The following VPS13B variants were observed in gnomAD, a reference collection of about 807,000 sequenced individuals.
VPS13B encodes intermembrane lipid transfer protein VPS13B.
In VPS13B, 285 loss-of-function variants were observed where a neutral mutation model predicts 426.4. The observed-to-expected ratio is 0.67, with a 90% CI of 0.61 to 0.74. The LOEUF is 0.74. Among genes scored for constraint, VPS13B ranks in the 30% least tolerant of loss-of-function variants. The pLI is 0.00. For synonymous variants in VPS13B, 1,676 were observed against 1,676.4 expected, an observed-to-expected ratio of 1.00 and a Z score of 0.01; for missense variants, 4,537 against 4,782.6, an observed-to-expected ratio of 0.95 and a Z score of 1.51.
chr8:99,248,902 A>G (rs944385945), intron 17 of VPS13B, among the ~76,000 whole-genome samples: 5 of 151,968 alleles, frequency 3.3e-5, no homozygotes, highest in East Asian at 1.9e-4. Context: ...TGACATTTAC[A>G]TACAATCAAC....
chr8:99,467,751 G>A (rs890679378), intron 24 of VPS13B, 117 bp downstream of exon 24: 3 of 1,105,168 alleles, frequency 2.7e-6, no homozygotes, highest in Middle Eastern at 2.9e-4. Flanking sequence ...TTTTAACTTG[G>A]CCATCAAGAT....
chr8:99,713,257 G>A (rs1832776757), intron 36 of VPS13B, among the ~76,000 whole-genome samples: 1 of 152,192 alleles, frequency 6.6e-6, no homozygotes, highest in Non-Finnish European at 1.5e-5. Context: ...TAGACAAAAT[G>A]TTGTCAAGCC....
At chr8:99,123,664 G>C (rs1330014003) in intron 8 of VPS13B, among the ~76,000 whole-genome samples, 1 of 152,130 alleles carries the variant, frequency 6.6e-6, no homozygotes, top group Non-Finnish European at 1.5e-5. Context: ...GTGATAGCAA[G>C]TGGAGGTGAT....
At chr8:99,015,416 C>T (rs2132131806) in intron 2 of VPS13B, among the ~76,000 whole-genome samples, 1 of 151,144 alleles carries the variant, frequency 6.6e-6, no homozygotes, top group South Asian at 2.1e-4. Flanking sequence ...TGGGGTTTCA[C>T]CGTGTTAGCC....
chr8:99,086,394 A>T (rs973140715), intron 3 of VPS13B, among the ~76,000 whole-genome samples: 4 of 151,982 alleles, frequency 2.6e-5, no homozygotes, highest in Admixed American at 2.0e-4. Flanking sequence ...CTTCTGTGCC[A>T]TTGGTTCGAA....
At chr8:99,249,211 A>ATT (rs1180636454) in intron 17 of VPS13B, among the ~76,000 whole-genome samples, 1 of 151,992 alleles carries the variant, frequency 6.6e-6, no homozygotes, top group Non-Finnish European at 1.5e-5. Flanking sequence ...TAGTTCATTC[A>ATT]TTTTTTTATT....
At chr8:99,264,169 T>G (rs1818186785) in intron 17 of VPS13B, among the ~76,000 whole-genome samples, 1 of 152,044 alleles carries the variant, frequency 6.6e-6, no homozygotes, top group Admixed American at 6.6e-5. Flanking sequence ...TTCTCTCAAT[T>G]CCTTCAGGTG....
At position 99,876,404 on chromosome 8, in the gene VPS13B, A is replaced by G. The variant is rs1817704787; in HGVS notation, c.*738A>G. On this transcript the variant is annotated 3_prime_UTR_variant, in exon 62 of 62. Coordinates refer to ENST00000357162, the MANE Select transcript of VPS13B (RefSeq NM_152564.5). The stretch of plus-strand genomic sequence containing the variant: ...TTACTGTCCAGGTACATTTTAGAAA[A>G]AGTGTTCTTCTTCCAGTTTGTTTTA... 1.3e-5 allele frequency: 2 copies of G among 152,310 alleles called. No individual in the cohort carries two copies. The highest frequency in any genetic ancestry group is 4.1e-4 in the South Asian group (2 of 4,828). The allele number at this position is 152,310 out of a possible 1,614,324, so 9.4% of individuals were successfully genotyped here. A position where few individuals can be genotyped will look rare whatever the true frequency, so the allele number is the denominator to read the frequency against.
At chr8:99,625,077 A>T (rs72674698) in intron 33 of VPS13B, among the ~76,000 whole-genome samples, 3 of 151,940 alleles carry the variant, frequency 2.0e-5, no homozygotes, top group African/African-American at 7.2e-5. Flanking sequence ...CACCCGCCTC[A>T]GCCTCCCAAA....
chr8:99,339,335 TA>T (rs1347935293), intron 19 of VPS13B, among the ~76,000 whole-genome samples: 2 of 151,840 alleles, frequency 1.3e-5, no homozygotes, highest in African/African-American at 2.4e-5. Context: ...GGTTGACTTC[TA>T]GGGAGGCCTC....
At chr8:99,863,687 T>C (rs1194155573) in intron 58 of VPS13B, among the ~76,000 whole-genome samples, 1 of 152,218 alleles carries the variant, frequency 6.6e-6, no homozygotes, top group Non-Finnish European at 1.5e-5. Context: ...TGAGGTCATC[T>C]TTCTGGGCGT....
intron 13 of VPS13B, among the ~76,000 whole-genome samples, chr8:99,144,768 G>A (rs1480547805): frequency 6.6e-6 from 1 of 152,110 alleles, no homozygotes; most frequent in Non-Finnish European, 1.5e-5. Context: ...GACATACAAA[G>A]CCTTTGGTCT....
chr8:99,092,602 T>C (rs1006735798), intron 3 of VPS13B, among the ~76,000 whole-genome samples: 7 of 152,022 alleles, frequency 4.6e-5, no homozygotes, highest in Admixed American at 3.9e-4. Context: ...TTTAATTTGA[T>C]TGGGGCATGA....
chr8:99,124,882 CAAAA>C (rs34328080), intron 8 of VPS13B, among the ~76,000 whole-genome samples: 1 of 86,262 alleles, frequency 1.2e-5, no homozygotes, highest in African/African-American at 5.1e-5. Flanking sequence ...GACTCCGTCT[CAAAA>C]AAAAAAAAAA....
intron 3 of VPS13B, among the ~76,000 whole-genome samples, chr8:99,067,388 C>G (rs889066029): frequency 1.3e-5 from 2 of 152,080 alleles, no homozygotes; most frequent in African/African-American, 2.4e-5. Flanking sequence ...CAAACCGTCA[C>G]AAGGATAGAA....
intron 16 of VPS13B, among the ~76,000 whole-genome samples, chr8:99,183,127 G>C (rs1307807175): frequency 6.6e-6 from 1 of 152,078 alleles, no homozygotes; most frequent in African/African-American, 2.4e-5. Flanking sequence ...TGAATTGGAG[G>C]TATCAGAATG....
At chr8:99,286,856 G>A (rs951468141) in intron 19 of VPS13B, among the ~76,000 whole-genome samples, 8 of 152,062 alleles carry the variant, frequency 5.3e-5, no homozygotes, top group Non-Finnish European at 1.0e-4. Flanking sequence ...AAAGAGAAAT[G>A]ATACCACCGG....
At chr8:99,247,282 C>G (rs1410531236) in intron 17 of VPS13B, among the ~76,000 whole-genome samples, 1 of 152,110 alleles carries the variant, frequency 6.6e-6, no homozygotes, top group Non-Finnish European at 1.5e-5. Context: ...TTTTCCACTT[C>G]TGGAATTACT....
intron 33 of VPS13B, among the ~76,000 whole-genome samples, chr8:99,622,979 C>T (rs1307736495): frequency 6.6e-6 from 1 of 152,200 alleles, no homozygotes; most frequent in Non-Finnish European, 1.5e-5. Context: ...GTACCCTATT[C>T]TCAACACAGC....
Sources: gnomAD v4.1 joint callset for allele counts (sites outside exome capture counted in the v4.1 genomes callset) on GRCh38, gnomAD v4.1.1 for gene constraint, MANE v1.5 for transcripts, NCBI Gene and HGNC (gene_info 2026-07-23, HGNC 2026-07-21) for gene names.